TASL: variants seen among roughly 807,000 people sequenced by gnomAD.
The protein encoded by TASL is TLR adaptor interacting with endolysosomal SLC15A4, also known as TLR adapter interacting with SLC15A4 on the lysosome.
TASL carries 6 observed loss-of-function variants against 12.9 expected under a neutral mutation model. The ratio of observed to expected loss-of-function variants is 0.46; its 90% CI spans 0.25 to 0.92. The LOEUF (loss-of-function observed/expected upper bound fraction) is 0.92. Among genes scored for constraint, TASL ranks in the 40% least tolerant of loss-of-function variants. The pLI, the probability that TASL is intolerant of heterozygous loss-of-function variation, is 0.17. For synonymous variants in TASL, 85 were observed against 79.3 expected (o/e 1.07, Z -0.38); for missense variants, 165 against 212.8 (o/e 0.78, Z 1.40).
intron 2 of TASL, among the ~76,000 whole-genome samples, chrX:30,564,805 C>A (rs895998336): frequency 1.8e-5 from 2 of 111,856 alleles, no homozygotes; most frequent in Non-Finnish European, 3.8e-5. Flanking sequence ...AACAGGAAAT[C>A]CAGCACAGGA....
At chrX:30,571,280 A>AAGAAAGAAAGAAAGAAAGAAAGAAAG (rs1930609649) in intron 2 of TASL, among the ~76,000 whole-genome samples, 1 of 79,952 alleles carries the variant, frequency 1.3e-5, no homozygotes. Flanking sequence ...GAAAGAAAGA[A>AAGAAAGAAAGAAAGAAAGAAAGAAAG]AGAAAGAAAG....
intron 2 of TASL, among the ~76,000 whole-genome samples, 187 bp from the exon 3 acceptor site, chrX:30,560,543 C>G (rs1250257247): frequency 9.0e-6 from 1 of 110,942 alleles, no homozygotes; most frequent in Admixed American, 9.7e-5. Context: ...AAATGAAAAG[C>G]ACACAATTCC....
chrX:30,562,870 C>A (rs1412866475), intron 2 of TASL, among the ~76,000 whole-genome samples: 7 of 96,439 alleles, frequency 7.3e-5, no homozygotes, highest in African/African-American at 1.5e-4. Context: ...ACTAAAACAA[C>A]AATAAATGGT....
chrX:30,572,988 G>A (rs1385666878), intron 2 of TASL, among the ~76,000 whole-genome samples: 9 of 112,273 alleles, frequency 8.0e-5, no homozygotes, highest in Admixed American at 1.9e-4. Flanking sequence ...AATGACAGCT[G>A]TATGCCGAGT....
chrX:30,577,248 C>A (rs1319565715), intron 1 of TASL, among the ~76,000 whole-genome samples: 2 of 112,283 alleles, frequency 1.8e-5, no homozygotes, highest in East Asian at 2.8e-4. Flanking sequence ...CCTGCAAAAC[C>A]CTGCTTAGGT....
rs753582096 is a variant in TASL, at chrX:30,559,927, A to C, written c.429T>G (p.Asp143Glu). The C allele has an allele frequency of 1.7e-6, 2 of 1,211,505 alleles. No individual in the cohort carries two copies. The highest frequency in any genetic ancestry group is 5.9e-5 in the East Asian group (2 of 33,850). Residue 143 changes from aspartate to glutamate, a missense_variant, in exon 3 of 3, where the codon GAT becomes GAG. By Grantham distance (45) the Asp-to-Glu change is conservative. Coordinates refer to ENST00000378962, the MANE Select transcript of TASL (RefSeq NM_025159.3). ...ATTCAAAACTGCTCTCAGAGGGAAA[A>C]TCTGTTGTCACTGAATTAATGGCCA... ...QVMAINSVTT[D>E]FPSESSFEYG...
intron 2 of TASL, among the ~76,000 whole-genome samples, chrX:30,574,105 G>A (rs1213593087): frequency 1.8e-5 from 2 of 110,113 alleles, no homozygotes; most frequent in Admixed American, 1.9e-4. Context: ...CAGTCATGCT[G>A]ATCCCTTCCC....
chrX:30,571,481 G>A (rs959424855), intron 2 of TASL, among the ~76,000 whole-genome samples: 9 of 109,196 alleles, frequency 8.2e-5, no homozygotes, highest in East Asian at 2.9e-4. Flanking sequence ...TTAGCAGGGC[G>A]TGGTGGTGCA....
chrX:30,565,975 T>G (rs1323985893), intron 2 of TASL, among the ~76,000 whole-genome samples: 1 of 109,260 alleles, frequency 9.2e-6, no homozygotes, highest in Non-Finnish European at 1.9e-5. Flanking sequence ...TTCACCATGT[T>G]GGCCAGGCTG....
Position 30,559,755 on chromosome X carries a change from T to C in TASL, c.601A>G (p.Met201Val). 3 of 1,211,488 alleles carry C rather than the reference T, an allele frequency of 2.5e-6. No individual in the cohort carries two copies. Among genetic ancestry groups the C allele is most frequent in the Non-Finnish European group, 3.4e-6 (3 of 895,150 alleles). The change falls in exon 3 of 3, where the codon ATG becomes GTG. Residue 201 changes from methionine (M) to valine (V), a missense_variant. Physicochemically the swap from Met to Val is conservative, Grantham distance 21. Coordinates refer to ENST00000378962, the MANE Select transcript of TASL (RefSeq NM_025159.3). Reference protein sequence around the residue: ...TSIKEKSSLQMQNPISNAVLN... With the variant: ...TSIKEKSSLQVQNPISNAVLN... ...ACTGCATTAGAAATAGGATTCTGCATTTGCAAGCTGCTTTTCTCTTTGATG... is the reference window on the plus strand; with the variant it reads ...ACTGCATTAGAAATAGGATTCTGCACTTGCAAGCTGCTTTTCTCTTTGATG...
chrX:30,572,003 T>C (rs1246112887), intron 2 of TASL, among the ~76,000 whole-genome samples: 2 of 110,764 alleles, frequency 1.8e-5, no homozygotes, highest in Non-Finnish European at 3.8e-5. Context: ...GCTATATATA[T>C]GTAAAGCTAT....
intron 2 of TASL, among the ~76,000 whole-genome samples, chrX:30,571,638 G>T (rs1053228652): frequency 1.2e-4 from 4 of 33,903 alleles, no homozygotes; most frequent in Non-Finnish European, 1.9e-4. Context: ...AAAAAAAAGG[G>T]GGGGGGGGCA....
intron 2 of TASL, among the ~76,000 whole-genome samples, chrX:30,574,278 T>C (rs1022673969): frequency 3.6e-5 from 4 of 112,279 alleles, no homozygotes; most frequent in Non-Finnish European, 7.5e-5. Context: ...CTCAGAATCA[T>C]TGAATCTGAA....
At position 30,573,798 on chromosome X, in the gene TASL, G is replaced by A. The variant is rs1181506514; in HGVS notation, c.-2+2954C>T. Among the ~76,000 whole-genome samples, 3 of 110,358 alleles carry A rather than the reference G, an allele frequency of 2.7e-5. No homozygotes were observed. In the East Asian group the frequency reaches 8.5e-4, roughly 31 times the overall value. On this transcript the variant is annotated intron_variant, in intron 2 of 2. Transcript: ENST00000378962. Reference sequence around the variant, plus strand: ...CCTGGTGTGGTGGCGAGCACCTGTAGTCCCAGCTACTCGGGAGGCTGAGAC... The same window carrying A: ...CCTGGTGTGGTGGCGAGCACCTGTAATCCCAGCTACTCGGGAGGCTGAGAC...
intron 2 of TASL, among the ~76,000 whole-genome samples, chrX:30,571,635 A>AGG (rs754363953): frequency 1.6e-4 from 2 of 12,740 alleles, no homozygotes; most frequent in African/African-American, 9.8e-4. Context: ...CTCAAAAAAA[A>AGG]GGGGGGGGGG....
Position 30,559,565 on chromosome X carries a change from G to C in TASL, c.791C>G (p.Thr264Ser), listed in dbSNP as rs1230950206. The C allele has an allele frequency of 8.3e-7, 1 of 1,209,281 alleles. No homozygotes were observed. The highest frequency in any genetic ancestry group is 3.0e-5 in the East Asian group (1 of 33,844). ...LQVSREKNLE[T>S]SKARDIVFSR... ...AAAGACTATATCTCTGGCTTTTGAG[G>C]TCTCCAGATTCTTCTCTCTAGACAC... is the stretch of plus-strand genomic sequence containing the variant. Residue 264 changes from threonine (T) to serine (S), a missense_variant, in exon 3 of 3, where the codon ACC (threonine) becomes AGC (serine). Coordinates refer to ENST00000378962, the MANE Select transcript of TASL (RefSeq NM_025159.3).
rs770494842 is a variant in TASL, at chrX:30,571,266, G to GAAAGAAAGAAAGAA, written c.-2+5472_-2+5485dup. 4.8e-3 allele frequency among the ~76,000 whole-genome samples: 174 copies of GAAAGAAAGAAAGAA among 35,943 alleles called. 8 individuals are homozygous for GAAAGAAAGAAAGAA. The highest frequency in any genetic ancestry group is 0.025 in the Middle Eastern group (2 of 80). 31.2% of individuals were successfully genotyped at this position (35,943 alleles called of 115,157 possible). On this transcript the variant is annotated intron_variant, in intron 2 of 2. Transcript: ENST00000378962. ...AAAAAGAGAAAGAAAGAGAAAGAAA[G>GAAAGAAAGAAAGAA]AAAGAAAGAAAGAAAGAAAGAAAGA...
chrX:30,568,377 A>G (rs1930533224), intron 2 of TASL, among the ~76,000 whole-genome samples: 1 of 111,691 alleles, frequency 9.0e-6, no homozygotes, highest in Non-Finnish European at 1.9e-5. Flanking sequence ...GTTAACCTTT[A>G]TTTGGCCCTA....
chrX:30,568,074 T>TA (rs1178824927), intron 2 of TASL, among the ~76,000 whole-genome samples: 1 of 110,813 alleles, frequency 9.0e-6, no homozygotes, highest in African/African-American at 3.3e-5. Flanking sequence ...CCATCTCTAC[T>TA]AAAAAATACA....
Sources: allele counts gnomAD v4.1 joint callset (sites outside exome capture counted in the v4.1 genomes callset), GRCh38; gene constraint gnomAD v4.1.1; transcripts MANE v1.5; gene names NCBI Gene and HGNC (gene_info 2026-07-23, HGNC 2026-07-21).